Variants in TMEM74 observed in about 807,000 individuals in gnomAD.
TMEM74 encodes the protein transmembrane protein 74.
In TMEM74, 13 loss-of-function variants were observed where a neutral mutation model predicts 18.1. The ratio of observed to expected loss-of-function variants is 0.72; its 90% CI spans 0.47 to 1.14. The LOEUF (loss-of-function observed/expected upper bound fraction) is 1.14, where lower values mean the gene tolerates loss of function less well. Among genes scored for constraint, TMEM74 ranks in the 50% most tolerant of loss-of-function variants. The probability of loss-of-function intolerance (pLI) is 0.00; values close to 1 mark genes in which losing one functional copy is unlikely to be tolerated. For missense variants in TMEM74, 372 were observed against 375.9 expected (o/e 0.99, Z 0.09); for synonymous variants, 159 against 146.6 (o/e 1.08, Z -0.61).
At chr8:108,695,343 G>C (rs1210401477) in intron 1 of TMEM74, among the ~76,000 whole-genome samples, 1 of 152,236 alleles carries the variant, frequency 6.6e-6, no homozygotes, top group Non-Finnish European at 1.5e-5. Flanking sequence ...AAGTTAGTAA[G>C]GAGGTGTAAG....
chr8:108,714,522 T>C (rs1168993881), intron 1 of TMEM74, among the ~76,000 whole-genome samples: 1 of 152,028 alleles, frequency 6.6e-6, no homozygotes, highest in Non-Finnish European at 1.5e-5. Context: ...AGATAGAAAA[T>C]GAGTTGTCTC....
At chr8:108,634,620 T>C (rs148142590) in intron 2 of TMEM74, among the ~76,000 whole-genome samples, 2 of 152,080 alleles carry the variant, frequency 1.3e-5, no homozygotes, top group African/African-American at 2.4e-5. Context: ...TCTGGCAATG[T>C]GGCTGATTTT....
chr8:108,632,983 C>T (rs572896497), intron 2 of TMEM74, among the ~76,000 whole-genome samples: 5 of 151,976 alleles, frequency 3.3e-5, no homozygotes, highest in Admixed American at 6.6e-5. Context: ...TTAATGATTC[C>T]GTACTGGGAA....
intron 1 of TMEM74, among the ~76,000 whole-genome samples, chr8:108,741,839 T>G (rs1435189205): frequency 6.6e-6 from 1 of 152,150 alleles, no homozygotes; most frequent in Non-Finnish European, 1.5e-5. Flanking sequence ...AGTAGATCGC[T>G]TTGGCCTACT....
At chr8:108,708,688 A>G (rs1813442390) in intron 1 of TMEM74, among the ~76,000 whole-genome samples, 1 of 151,964 alleles carries the variant, frequency 6.6e-6, no homozygotes, top group South Asian at 2.1e-4. Flanking sequence ...TGTTCATGTC[A>G]GGAAAGGAAA....
intron 1 of TMEM74, among the ~76,000 whole-genome samples, chr8:108,768,100 C>T (rs901045235): frequency 1.3e-5 from 2 of 152,096 alleles, no homozygotes; most frequent in African/African-American, 2.4e-5. Flanking sequence ...TTCTCCAGAC[C>T]CATACTTCCA....
intron 2 of TMEM74, among the ~76,000 whole-genome samples, chr8:108,624,335 T>C (rs558587915): frequency 1.3e-5 from 2 of 152,250 alleles, no homozygotes; most frequent in South Asian, 4.1e-4. Context: ...GTGATCCTTG[T>C]GAACTACTCA....
rs991306246 is a variant in TMEM74 at position 108,784,087 on chromosome 8, C to A, written c.*94G>T. ...TGGTTTGTGAAATAAACTTTTCTTGCCAGGCAAATAAATTGCACTGTGAAT... is the reference window on the plus strand; with the variant it reads ...TGGTTTGTGAAATAAACTTTTCTTGACAGGCAAATAAATTGCACTGTGAAT... On this transcript the variant is annotated 3_prime_UTR_variant, in exon 2 of 2. Transcript: ENST00000297459. The A allele has an allele frequency of 2.2e-5, 25 of 1,131,628 alleles. 1 individual carries two copies. Among genetic ancestry groups the A allele is most frequent in the Middle Eastern group, 2.1e-4 (1 of 4,870 alleles). 70.1% of individuals were successfully genotyped at this position (1,131,628 alleles called of 1,614,324 possible).
intron 1 of TMEM74, among the ~76,000 whole-genome samples, chr8:108,657,322 C>G (rs1812829365): frequency 6.6e-6 from 1 of 151,972 alleles, no homozygotes; most frequent in South Asian, 2.1e-4. Context: ...ATCCCTGAGA[C>G]TCTTGCTTAC....
chr8:108,740,118 G>A (rs1161536327), intron 1 of TMEM74, among the ~76,000 whole-genome samples: 1 of 152,104 alleles, frequency 6.6e-6, no homozygotes, highest in Non-Finnish European at 1.5e-5. Context: ...TAGGAGCCTA[G>A]GAAGACTAGA....
chr8:108,617,472 C>T (rs1390552378), intron 2 of TMEM74, among the ~76,000 whole-genome samples: 1 of 152,104 alleles, frequency 6.6e-6, no homozygotes, highest in Non-Finnish European at 1.5e-5. Context: ...CCCCACTACC[C>T]CACACTGTCT....
chr8:108,681,967 C>A (rs768831761), intron 1 of TMEM74, among the ~76,000 whole-genome samples: 4 of 152,144 alleles, frequency 2.6e-5, no homozygotes, highest in Non-Finnish European at 5.9e-5. Flanking sequence ...TATGTCAATA[C>A]TTTTTAACTA....
At chr8:108,775,386 C>A (rs912478183), downstream of TMEM74, among the ~76,000 whole-genome samples, 5 of 152,198 alleles carry the variant, frequency 3.3e-5, no homozygotes, top group African/African-American at 1.2e-4. Context: ...CTGTTTCCTA[C>A]TGCTACAAGT....
chr8:108,718,368 A>G (rs982920946), intron 1 of TMEM74, among the ~76,000 whole-genome samples: 1 of 152,190 alleles, frequency 6.6e-6, no homozygotes, highest in Non-Finnish European at 1.5e-5. Flanking sequence ...GATACAGCAT[A>G]TGGATATACT....
intron 1 of TMEM74, among the ~76,000 whole-genome samples, chr8:108,700,515 A>G (rs1470322542): frequency 6.6e-6 from 1 of 152,148 alleles, no homozygotes; most frequent in East Asian, 1.9e-4. Flanking sequence ...TGTTCCTAAT[A>G]ATGGTGATAT....
chr8:108,622,174 A>G (rs544394584), intron 2 of TMEM74, among the ~76,000 whole-genome samples: 2 of 152,258 alleles, frequency 1.3e-5, no homozygotes, highest in South Asian at 4.1e-4. Flanking sequence ...ATGTTGCCAT[A>G]AACAGTCTAG....
chr8:108,646,627 T>A (rs1812723018), intron 2 of TMEM74, among the ~76,000 whole-genome samples: 2 of 152,186 alleles, frequency 1.3e-5, no homozygotes, highest in Non-Finnish European at 2.9e-5. Context: ...GTTGTTAAAC[T>A]GTGATCTGTT....
intron 1 of TMEM74, among the ~76,000 whole-genome samples, chr8:108,740,560 A>C (rs1603624): frequency 0.4 from 60,178 of 151,932 alleles, 13,820 homozygotes; most frequent in African/African-American, 0.63. Flanking sequence ...TTTGTGGTAA[A>C]CCTTGTGTCA....
chr8:108,640,465 G>A (rs1812652920), intron 2 of TMEM74, among the ~76,000 whole-genome samples: 1 of 151,622 alleles, frequency 6.6e-6, no homozygotes, highest in African/African-American at 2.4e-5. Context: ...TTAAATGTAT[G>A]TCTCTACTCA....
Sources: allele counts gnomAD v4.1 joint callset (sites outside exome capture counted in the v4.1 genomes callset), GRCh38; gene constraint gnomAD v4.1.1; transcripts MANE v1.5; gene names NCBI Gene and HGNC (gene_info 2026-07-23, HGNC 2026-07-21).